AGAP1: variants seen among roughly 807,000 people sequenced by gnomAD.
AGAP1 encodes ArfGAP with GTPase domain, ankyrin repeat and PH domain 1.
A neutral mutation model predicts 105.3 loss-of-function variants in AGAP1; 29 were observed. That is an observed-to-expected ratio of 0.28 (90% CI 0.21 to 0.38). The LOEUF is 0.38. AGAP1 is among the 10% of genes least tolerant of loss of function. The pLI, the probability that AGAP1 is intolerant of heterozygous loss-of-function variation, is 1.00. For missense variants in AGAP1, 998 were observed against 1,165.1 expected (o/e 0.86, Z 2.09); for synonymous variants, 509 against 485.9 (o/e 1.05, Z -0.63).
chr2:235,941,500 C>G (rs967733460), intron 12 of AGAP1, among the ~76,000 whole-genome samples: 1 of 152,136 alleles, frequency 6.6e-6, no homozygotes, highest in Non-Finnish European at 1.5e-5. Flanking sequence ...TTGAAATGTG[C>G]TTTGTCAGGT....
In AGAP1 at chr2:235,535,862, C is replaced by T. The variant is rs1210441458; in HGVS notation, c.163+41013C>T. On this transcript the variant is annotated intron_variant, in intron 1 of 17. Transcript: ENST00000304032. This position sits in a 1 kb window ranked among gnomAD's most constrained non-coding sequence, Gnocchi z 5.1. The stretch of plus-strand genomic sequence containing the variant: ...GTGGCAGACACACATTAGGAGTCCA[C>T]GCGCAGGTAGCCTGGCCTTTGAAGC... Among the ~76,000 whole-genome samples, 1 of 152,020 alleles carries T rather than the reference C, an allele frequency of 6.6e-6. No individual in the cohort carries two copies. The highest frequency in any genetic ancestry group is 2.4e-5 in the African/African-American group (1 of 41,392).
intron 15 of AGAP1, among the ~76,000 whole-genome samples, chr2:236,043,677 C>T (rs891783196): frequency 1.0e-4 from 15 of 149,774 alleles, no homozygotes; most frequent in African/African-American, 3.5e-4. Flanking sequence ...GCCAAGATCA[C>T]GTCATTGCAC....
At chr2:235,902,850 T>G (rs1051960607) in intron 10 of AGAP1, among the ~76,000 whole-genome samples, 1 of 152,242 alleles carries the variant, frequency 6.6e-6, no homozygotes, top group Non-Finnish European at 1.5e-5. Flanking sequence ...AATGAAGACA[T>G]GGACTCAAAG....
At position 235,662,288 on chromosome 2, in the gene AGAP1, G is replaced by C. The variant is rs1353756968; in HGVS notation, c.164-46891G>C. Among the ~76,000 whole-genome samples, 1 of 152,314 alleles carries C rather than the reference G, an allele frequency of 6.6e-6. No individual in the cohort carries two copies. Among genetic ancestry groups the C allele is most frequent in the East Asian group, 1.9e-4 (1 of 5,180 alleles). ...AACTTGTGGCGCGGCTTTAGAGAGT[G>C]TCTGTGCAGGCTGCCTCTGATCCCT... On this transcript the variant is annotated intron_variant, in intron 1 of 17. Transcript: ENST00000304032. This position sits in a 1 kb window ranked among gnomAD's most constrained non-coding sequence, Gnocchi z 4.2.
chr2:235,686,642 TATAGATATATATATATA>T (rs1949438252), intron 1 of AGAP1, among the ~76,000 whole-genome samples: 1 of 45,128 alleles, frequency 2.2e-5, no homozygotes, highest in African/African-American at 1.1e-4. Flanking sequence ...TATATATATA[TATAGATATATATATATA>T]TATATATTTT....
intron 10 of AGAP1, among the ~76,000 whole-genome samples, chr2:235,896,777 T>G (rs1364761357): frequency 6.6e-6 from 1 of 152,186 alleles, no homozygotes; most frequent in Non-Finnish European, 1.5e-5. Flanking sequence ...GCCATAAAAG[T>G]AGAAATGTTT....
At position 235,586,450 on chromosome 2, in the gene AGAP1, G is replaced by A. The variant is rs993819906; in HGVS notation, c.163+91601G>A. On this transcript the variant is annotated intron_variant, in intron 1 of 17. Coordinates refer to ENST00000304032, the MANE Select transcript of AGAP1 (RefSeq NM_001037131.3). This position sits in a 1 kb window ranked among gnomAD's most constrained non-coding sequence, Gnocchi z 4.2. Reference sequence around the variant, plus strand: ...GGACTCCCCTGTGGAAGGCAAGGTGGAGGCAGCTGTTATGTGGTGTGTTGG... The same window carrying A: ...GGACTCCCCTGTGGAAGGCAAGGTGAAGGCAGCTGTTATGTGGTGTGTTGG... Among the ~76,000 whole-genome samples the A allele has an allele frequency of 3.9e-5, 6 of 152,226 alleles. No homozygotes were observed. Among genetic ancestry groups the A allele is most frequent in the Non-Finnish European group, 7.3e-5 (5 of 68,038 alleles).
chr2:235,608,828 G>A lies in AGAP1; in HGVS notation c.164-100351G>A, dbSNP rs370038408. ...AGAGGCCTGGGAGATCAGGGGACAA[G>A]GGTGAAATTCGAATAGATTGTACGA... On this transcript the variant is annotated intron_variant, in intron 1 of 17. Transcript: ENST00000304032. The surrounding 1 kb of genome is among the most constrained non-coding windows in gnomAD (Gnocchi z 5.4). 6.6e-5 allele frequency among the ~76,000 whole-genome samples: 10 copies of A among 152,182 alleles called. No homozygotes were observed. In the East Asian group the frequency reaches 7.7e-4, roughly 12 times the overall value.
intron 12 of AGAP1, among the ~76,000 whole-genome samples, chr2:235,939,700 T>C (rs1013534241): frequency 3.3e-5 from 5 of 152,092 alleles, no homozygotes; most frequent in Non-Finnish European, 7.4e-5. Flanking sequence ...CGTGGTAATC[T>C]TCATAGTGGG....
At chr2:235,836,590 T>C (rs1960188331) in intron 9 of AGAP1, among the ~76,000 whole-genome samples, 1 of 152,234 alleles carries the variant, frequency 6.6e-6, no homozygotes. Context: ...ATCTGGTGTC[T>C]GTCACACTTT....
rs5839611 is a variant in AGAP1 at position 235,889,546 on chromosome 2, C to CTTTTTTTTT, written c.1155+6105_1155+6113dup. On this transcript the variant is annotated intron_variant, in intron 10 of 17. Transcript: ENST00000304032. The surrounding 1 kb of genome is among the most constrained non-coding windows in gnomAD (Gnocchi z 4.6). ...CGTCATCCCCCAAAAGTGTCTTTGC[C>CTTTTTTTTT]TTTTTTTTTTTTTTTTAGCCCTGAG... Among the ~76,000 whole-genome samples the CTTTTTTTTT allele has an allele frequency of 7.1e-6, 1 of 140,978 alleles. No homozygotes were observed. The highest frequency in any genetic ancestry group is 1.5e-5 in the Non-Finnish European group (1 of 64,846). 92.5% of individuals were successfully genotyped at this position (140,978 alleles called of 152,430 possible).
intron 1 of AGAP1, among the ~76,000 whole-genome samples, chr2:235,589,203 T>TTG (rs1945243279): frequency 9.5e-6 from 1 of 104,944 alleles, no homozygotes; most frequent in South Asian, 3.7e-4. Context: ...TGTTTTTTTT[T>TTG]TTTTTTTTTT....
intron 1 of AGAP1, among the ~76,000 whole-genome samples, chr2:235,674,563 C>T (rs1948621657): frequency 1.3e-5 from 2 of 152,160 alleles, no homozygotes; most frequent in South Asian, 4.1e-4. Context: ...TCATTGATAC[C>T]TCTTACTGAG....
rs1203856380 is a variant in AGAP1, at chr2:235,611,704, C to T, written c.164-97475C>T. On this transcript the variant is annotated intron_variant, in intron 1 of 17. Coordinates refer to ENST00000304032, the MANE Select transcript of AGAP1 (RefSeq NM_001037131.3). The surrounding 1 kb of genome is among the most constrained non-coding windows in gnomAD (Gnocchi z 5.0). ...GGAACATTGTATAGAGAAAAAACAA[C>T]CTTGAGTTTCTGTTGAAATCTAGAT... Among the ~76,000 whole-genome samples, 1 of 152,186 alleles carries T rather than the reference C, an allele frequency of 6.6e-6. No individual in the cohort carries two copies. The highest frequency in any genetic ancestry group is 2.4e-5 in the African/African-American group (1 of 41,440).
In AGAP1 at chr2:235,549,886, C is replaced by T. The variant is rs1309005626; in HGVS notation, c.163+55037C>T. Among the ~76,000 whole-genome samples, 2 of 152,140 alleles carry T rather than the reference C, an allele frequency of 1.3e-5. No individual in the cohort carries two copies. Among genetic ancestry groups the T allele is most frequent in the Non-Finnish European group, 2.9e-5 (2 of 68,018 alleles). ...AGTGAGTGGGAGGACTCGCCCTGCG[C>T]AGGTGGAGGGTGATGAGAGGCTGGG... On this transcript the variant is annotated intron_variant, in intron 1 of 17. Coordinates refer to ENST00000304032, the MANE Select transcript of AGAP1 (RefSeq NM_001037131.3). This position sits in a 1 kb window ranked among gnomAD's most constrained non-coding sequence, Gnocchi z 4.2.
In AGAP1 at chr2:236,027,537, G is replaced by T. The variant is rs1165472828; in HGVS notation, c.1646-9024G>T. Among the ~76,000 whole-genome samples, 1 of 152,100 alleles carries T rather than the reference G, an allele frequency of 6.6e-6. No individual in the cohort carries two copies. The highest frequency in any genetic ancestry group is 2.4e-5 in the African/African-American group (1 of 41,414). Reference sequence around the variant, plus strand: ...TGCCCTGCCTCCCCCAGGGCAGACTGAGCCTCTCCCCTCCAGGTGTCCCAG... The same window carrying T: ...TGCCCTGCCTCCCCCAGGGCAGACTTAGCCTCTCCCCTCCAGGTGTCCCAG... On this transcript the variant is annotated intron_variant, in intron 13 of 17. Transcript: ENST00000304032. The surrounding 1 kb of genome is among the most constrained non-coding windows in gnomAD (Gnocchi z 4.4).
rs1952491066 is a variant in AGAP1, at chr2:235,740,101, GA to G, written c.311-861del. On this transcript the variant is annotated intron_variant, in intron 3 of 17. Coordinates refer to ENST00000304032, the MANE Select transcript of AGAP1 (RefSeq NM_001037131.3). This position sits in a 1 kb window ranked among gnomAD's most constrained non-coding sequence, Gnocchi z 5.7. Reference sequence around the variant, plus strand: ...TCTCAGAGCCCAGGATCTGGAGGGGGACGTCTGTCATTGGAGAAGGCAGAGG... The same window carrying G: ...TCTCAGAGCCCAGGATCTGGAGGGGGCGTCTGTCATTGGAGAAGGCAGAGG... Among the ~76,000 whole-genome samples, 1 of 152,184 alleles carries G rather than the reference GA, an allele frequency of 6.6e-6. No homozygotes were observed. Among genetic ancestry groups the G allele is most frequent in the South Asian group, 2.1e-4 (1 of 4,826 alleles).
At chr2:235,540,121 G>GT (rs1303844088) in intron 1 of AGAP1, among the ~76,000 whole-genome samples, 2 of 139,514 alleles carry the variant, frequency 1.4e-5, no homozygotes, top group Non-Finnish European at 3.2e-5. Context: ...CAATCCGTTT[G>GT]TTTTTTTCTC....
intron 9 of AGAP1, among the ~76,000 whole-genome samples, chr2:235,825,259 A>T (rs1959002261): frequency 6.6e-6 from 1 of 152,212 alleles, no homozygotes; most frequent in African/African-American, 2.4e-5. Flanking sequence ...TGGTGCTGCT[A>T]ATGTGAAAGA....
Sources: gnomAD v4.1 joint callset for allele counts (sites outside exome capture counted in the v4.1 genomes callset) on GRCh38, gnomAD v4.1.1 for gene constraint, Gnocchi (gnomAD v3.1) non-coding constraint, MANE v1.5 for transcripts, NCBI Gene and HGNC (gene_info 2026-07-23, HGNC 2026-07-21) for gene names.